AKAP7: variants seen among roughly 807,000 people sequenced by gnomAD.
AKAP7 encodes the protein A-kinase anchoring protein 7.
Under a neutral mutation model 39.5 loss-of-function variants are expected in AKAP7, and 39 were observed. The observed-to-expected ratio is 0.99, with a 90% CI of 0.76 to 1.29. AKAP7 has a LOEUF of 1.29. Ranked by LOEUF, AKAP7 falls within the 50% of genes most tolerant of loss-of-function variation. AKAP7 has a pLI of 0.00. For synonymous variants in AKAP7, 140 were observed against 139.1 expected (o/e 1.01, Z -0.05); for missense variants, 414 against 407.7 (o/e 1.02, Z -0.13).
In AKAP7 at chr6:131,169,276, A is replaced by G. The variant is rs769017227; in HGVS notation, c.589+3A>G. 33 of 1,613,572 alleles carry G rather than the reference A, an allele frequency of 2.0e-5. No homozygotes were observed. The highest frequency in any genetic ancestry group is 2.7e-5 in the Non-Finnish European group (32 of 1,179,824). On this transcript the variant is annotated splice_donor_region_variant and intron_variant, in intron 5 of 7. Coordinates refer to ENST00000431975, the MANE Select transcript of AKAP7 (RefSeq NM_016377.4). ...AAACTCACTTTTGGAGATAGCAGGT[A>G]AAACAGCAACACACTCATATGAAAT...
chr6:131,224,696 A>T, intron 7 of AKAP7, among the ~76,000 whole-genome samples: 1 of 130,602 alleles, frequency 7.7e-6, no homozygotes, highest in Non-Finnish European at 1.6e-5. Context: ...CAGTTAGTAT[A>T]TATGCTACGT....
intron 7 of AKAP7, among the ~76,000 whole-genome samples, chr6:131,233,901 C>G (rs554992425): frequency 6.6e-6 from 1 of 152,274 alleles, no homozygotes; most frequent in East Asian, 1.9e-4. Flanking sequence ...ACCCTGATTA[C>G]TATTGGATAT....
rs534702597 is a variant in AKAP7, at chr6:131,247,558, G to A, written c.850+27750G>A. ...GCTGGTCTTGAACTCCTGATCTCGTGATCCACCCACCTTGGCCTCCTGAAG... is the reference window on the plus strand; with the variant it reads ...GCTGGTCTTGAACTCCTGATCTCGTAATCCACCCACCTTGGCCTCCTGAAG... On this transcript the variant is annotated intron_variant, in intron 7 of 7. Coordinates refer to ENST00000431975, the MANE Select transcript of AKAP7 (RefSeq NM_016377.4). 3.3e-5 allele frequency among the ~76,000 whole-genome samples: 5 copies of A among 151,648 alleles called. No homozygotes were observed. The East Asian group carries it at 9.8e-4, about 30-fold the overall frequency.
At chr6:131,140,951 T>C (rs982145894) in intron 1 of AKAP7, among the ~76,000 whole-genome samples, 1 of 152,258 alleles carries the variant, frequency 6.6e-6, no homozygotes, top group African/African-American at 2.4e-5. Context: ...AATAGACTCA[T>C]AGTGAACTGA....
intron 7 of AKAP7, among the ~76,000 whole-genome samples, chr6:131,264,262 G>A (rs1480381686): frequency 6.6e-6 from 1 of 152,150 alleles, no homozygotes; most frequent in East Asian, 1.9e-4. Flanking sequence ...TACTTGGAAA[G>A]TTGCATATAA....
chr6:131,131,458 T>C (rs1800325385), upstream of AKAP7, among the ~76,000 whole-genome samples: 1 of 103,224 alleles, frequency 9.7e-6, no homozygotes, highest in African/African-American at 3.5e-5. Context: ...ATATTGTTTC[T>C]CTTTCTTTCT....
At chr6:131,209,766 T>C (rs1808478569) in intron 6 of AKAP7, among the ~76,000 whole-genome samples, 6 of 152,144 alleles carry the variant, frequency 3.9e-5, no homozygotes, top group Admixed American at 3.3e-4. Flanking sequence ...TGTCAGCTGG[T>C]AATTTTCATT....
chr6:131,233,428 A>G lies in AKAP7; in HGVS notation c.850+13620A>G, dbSNP rs77455584. ...TTACCCCATCAATAAAATGGGCATAATAAAATAGTTGTTATTTCATGAGGA... is the reference window on the plus strand; with the variant it reads ...TTACCCCATCAATAAAATGGGCATAGTAAAATAGTTGTTATTTCATGAGGA... On this transcript the variant is annotated intron_variant, in intron 7 of 7. Coordinates refer to ENST00000431975, the MANE Select transcript of AKAP7 (RefSeq NM_016377.4). 2.3e-3 allele frequency among the ~76,000 whole-genome samples: 357 copies of G among 152,342 alleles called. 12 individuals carry two copies. The East Asian group carries it at 0.061, about 26-fold the overall frequency.
Position 131,165,065 on chromosome 6 carries a change from G to A in AKAP7, c.292-16G>A, listed in dbSNP as rs1803350154. 1 of 1,575,304 alleles carries A rather than the reference G, an allele frequency of 6.3e-7. No individual in the cohort carries two copies. Among genetic ancestry groups the A allele is most frequent in the East Asian group, 2.3e-5 (1 of 44,030 alleles). ...AATCACTGGAATTTTTTTTATATGT[G>A]TGTATGTGTTATTAGATTATAAAAG... On this transcript the variant is annotated splice_polypyrimidine_tract_variant and intron_variant, in intron 3 of 7. Coordinates refer to ENST00000431975, the MANE Select transcript of AKAP7 (RefSeq NM_016377.4).
chr6:131,196,547 A>G (rs1180166191), intron 5 of AKAP7, among the ~76,000 whole-genome samples: 1 of 152,138 alleles, frequency 6.6e-6, no homozygotes, highest in Non-Finnish European at 1.5e-5. Flanking sequence ...TACAGGCATG[A>G]GACACCGTGC....
chr6:131,259,669 AAT>A (rs1184868689), intron 7 of AKAP7, among the ~76,000 whole-genome samples: 3 of 152,224 alleles, frequency 2.0e-5, no homozygotes, highest in African/African-American at 7.2e-5. Context: ...GGGATCATAA[AAT>A]AGAGAAGTTC....
Position 131,219,826 on chromosome 6 carries a change from A to T in AKAP7, c.850+18A>T. 6.3e-6 allele frequency: 9 copies of T among 1,437,710 alleles called. No homozygotes were observed. The highest frequency in any genetic ancestry group is 1.5e-5 in the African/African-American group (1 of 67,202). 89.1% of individuals were successfully genotyped at this position (1,437,710 alleles called of 1,614,324 possible). On this transcript the variant is annotated intron_variant, in intron 7 of 7. Coordinates refer to ENST00000431975, the MANE Select transcript of AKAP7 (RefSeq NM_016377.4). ...TGTGATTGGTGAGTGTCATTTAAAA[A>T]TTATTTATTATCTTTATTTTTAATT...
chr6:131,215,233 G>A (rs569752182), intron 6 of AKAP7, among the ~76,000 whole-genome samples: 4 of 152,144 alleles, frequency 2.6e-5, no homozygotes, highest in Non-Finnish European at 4.4e-5. Flanking sequence ...GGGGTGTCAG[G>A]GCCTCAGCAA....
chr6:131,193,865 C>T (rs921903031), intron 5 of AKAP7, among the ~76,000 whole-genome samples: 1 of 152,010 alleles, frequency 6.6e-6, no homozygotes, highest in African/African-American at 2.4e-5. Flanking sequence ...CACTAATGAT[C>T]CTTTGAATTT....
the AKAP7 span, among the ~76,000 whole-genome samples, chr6:131,127,716 A>C: frequency 6.6e-6 from 1 of 152,256 alleles, no homozygotes; most frequent in Admixed American, 6.5e-5. Flanking sequence ...CCAGAAAGAC[A>C]TGCACACATA....
rs1297750636 is a variant in AKAP7, at chr6:131,135,525, C to T, written c.-239C>T. ...GTGCTGCGGCTGCTGCGGCTGCCGC[C>T]GCCGCTGCTGCCGCTGCCGCGGGGG... On this transcript the variant is annotated 5_prime_UTR_variant, in exon 1 of 8. Transcript: ENST00000431975. 59 of 169,928 alleles carry T rather than the reference C, an allele frequency of 3.5e-4. No homozygotes were observed. Among genetic ancestry groups the T allele is most frequent in the Non-Finnish European group, 5.2e-4 (45 of 85,778 alleles). The allele number at this position is 169,928 out of a possible 1,614,324, so 10.5% of individuals were successfully genotyped here. A position where few individuals can be genotyped will look rare whatever the true frequency, so the allele number is the denominator to read the frequency against.
chr6:131,277,002 A>G (rs756286804), intron 7 of AKAP7, among the ~76,000 whole-genome samples: 3 of 152,134 alleles, frequency 2.0e-5, no homozygotes, highest in Non-Finnish European at 4.4e-5. Flanking sequence ...TGCTACCACA[A>G]AGGAGTTATT....
chr6:131,213,126 A>G (rs1808827118), intron 6 of AKAP7, among the ~76,000 whole-genome samples: 1 of 152,210 alleles, frequency 6.6e-6, no homozygotes, highest in African/African-American at 2.4e-5. Flanking sequence ...AACACATTCT[A>G]CCATGATATA....
At position 131,207,063 on chromosome 6, in the gene AKAP7, C is replaced by G. The variant is rs886855775; in HGVS notation, c.702+7490C>G. Among the ~76,000 whole-genome samples the G allele has an allele frequency of 8.5e-5, 13 of 152,182 alleles. No individual in the cohort carries two copies. The South Asian group carries it at 2.7e-3, about 32-fold the overall frequency. On this transcript the variant is annotated intron_variant, in intron 6 of 7. Coordinates refer to ENST00000431975, the MANE Select transcript of AKAP7 (RefSeq NM_016377.4). ...CTGTTGACTTATCGTAAAAGAAGGA[C>G]TCTTGACTCCTGTGCTATCCTGAAA...
Sources: allele counts gnomAD v4.1 joint callset (sites outside exome capture counted in the v4.1 genomes callset), GRCh38; gene constraint gnomAD v4.1.1; transcripts MANE v1.5; gene names NCBI Gene and HGNC (gene_info 2026-07-23, HGNC 2026-07-21).